Variants in COL1A2 observed in about 807,000 individuals in gnomAD.
COL1A2 encodes the protein collagen alpha-2(I) chain.
A neutral mutation model predicts 174.3 loss-of-function variants in COL1A2; 49 were observed. That is an observed-to-expected ratio of 0.28 (90% confidence interval 0.22 to 0.36). The LOEUF is 0.36. COL1A2 is among the 10% of genes least tolerant of loss of function. The probability of loss-of-function intolerance (pLI) is 1.00; values close to 1 mark genes in which losing one functional copy is unlikely to be tolerated. For synonymous variants in COL1A2, 655 were observed against 606.6 expected, an observed-to-expected ratio of 1.08 and a Z score of -1.17; for missense variants, 1,438 against 1,822.7, an observed-to-expected ratio of 0.79 and a Z score of 3.84.
intron 4 of COL1A2, 97 bp downstream of exon 4, chr7:94,399,181 T>C (rs1173110159): frequency 1.9e-5 from 22 of 1,131,896 alleles, no homozygotes; most frequent in Non-Finnish European, 2.8e-5. Flanking sequence ...ATATTATGTA[T>C]CCAGATAATT....
intron 12 of COL1A2, among the ~76,000 whole-genome samples, chr7:94,406,560 C>T (rs1791801796): frequency 6.6e-6 from 1 of 152,070 alleles, no homozygotes; most frequent in Admixed American, 6.6e-5. Flanking sequence ...TGTTCCATTT[C>T]CTTTCCTCCC....
At position 94,417,803 on chromosome 7, in the gene COL1A2, C is replaced by CT. The variant is rs1562904167; in HGVS notation, c.1944dup (p.Gly649TrpfsTer11). ...GGACTCCCAGGAGAGAGGGGTGCTGCTGGCATACCTGGAGGCAAGGGAGAA... is the reference window on the plus strand; with the variant it reads ...GGACTCCCAGGAGAGAGGGGTGCTGCTTGGCATACCTGGAGGCAAGGGAGAA... On this transcript the variant is annotated frameshift_variant, in exon 32 of 52. Transcript: ENST00000297268. LOFTEE classifies it high-confidence loss of function. The CT allele has an allele frequency of 6.2e-7, 1 of 1,602,644 alleles. No individual in the cohort carries two copies. Among genetic ancestry groups the CT allele is most frequent in the Non-Finnish European group, 8.5e-7 (1 of 1,174,490 alleles).
At chr7:94,405,008 C>A in intron 9 of COL1A2, 116 bp downstream of exon 9, 2 of 1,236,362 alleles carry the variant, frequency 1.6e-6, no homozygotes, top group East Asian at 2.4e-5. Flanking sequence ...TGACAGAACT[C>A]TTAATGTATG....
intron 30 of COL1A2, among the ~76,000 whole-genome samples, chr7:94,416,027 G>A (rs770300957): frequency 2.0e-5 from 3 of 152,138 alleles, no homozygotes; most frequent in Non-Finnish European, 4.4e-5. Flanking sequence ...ATCTACACCT[G>A]CCATTGCTAT....
rs943353660 is a variant in COL1A2, at chr7:94,430,269, A to G, written c.3977A>G (p.Lys1326Arg). ...GCSKKTNEWG[K>R]TIIEYKTNKP... is the part of the protein sequence containing the mutation. ...CAGAAAAAGACAAATGAATGGGGAA[A>G]GACAATCATTGAATACAAAACAAAT... Residue 1326 changes from lysine (K) to arginine (R), a missense_variant, in exon 52 of 52, where the codon AAG becomes AGG. Physicochemically the swap from Lys to Arg is conservative, Grantham distance 26. Transcript: ENST00000297268. The G allele has an allele frequency of 3.7e-6, 6 of 1,613,994 alleles. No homozygotes were observed. The South Asian group carries it at 6.6e-5, about 18-fold the overall frequency.
Position 94,425,200 on chromosome 7 carries a change from T to C in COL1A2, c.2757T>C (p.Gly919=). 6.2e-7 allele frequency: 1 copy of C among 1,614,088 alleles called. No homozygotes were observed. Among genetic ancestry groups the C allele is most frequent in the Non-Finnish European group, 8.5e-7 (1 of 1,179,984 alleles). ...CTGTGGGTAGTCCTGGAGTCAACGGTGCTCCTGGTGAAGCTGGTCGTGATG... is the reference window on the plus strand; with the variant it reads ...CTGTGGGTAGTCCTGGAGTCAACGGCGCTCCTGGTGAAGCTGGTCGTGATG... ...PGAVGSPGVN[G]APGEAGRDGN... The change falls in exon 42 of 52, where the codon GGT becomes GGC. Residue 919 remains glycine, a synonymous_variant. Coordinates refer to ENST00000297268, the MANE Select transcript of COL1A2 (RefSeq NM_000089.4).
chr7:94,397,292 A>C (rs41317864), intron 1 of COL1A2, among the ~76,000 whole-genome samples: 1 of 152,166 alleles, frequency 6.6e-6, no homozygotes, highest in African/African-American at 2.4e-5. Context: ...AACAAATTCA[A>C]TATAGAATTT....
chr7:94,410,966 C>T, intron 22 of COL1A2, 24 bp downstream of exon 22: 1 of 1,613,152 alleles, frequency 6.2e-7, no homozygotes, highest in Non-Finnish European at 8.5e-7. Flanking sequence ...CACTTACTTC[C>T]TAGAAAGGGG....
At chr7:94,414,044 A>T in intron 28 of COL1A2, 97 bp downstream of exon 28, 1 of 1,370,310 alleles carries the variant, frequency 7.3e-7, no homozygotes, top group Non-Finnish European at 1.0e-6. Flanking sequence ...AATAAACATG[A>T]TTTCAGGACT....
Position 94,427,255 on chromosome 7 carries a change from C to T in COL1A2, c.3227C>T (p.Pro1076Leu). The T allele has an allele frequency of 6.2e-7, 1 of 1,613,852 alleles. No homozygotes were observed. Among genetic ancestry groups the T allele is most frequent in the Non-Finnish European group, 8.5e-7 (1 of 1,179,926 alleles). Residue 1076 changes from proline to leucine, a missense_variant, in exon 48 of 52, where the codon CCT becomes CTT. By Grantham distance (98) the Pro-to-Leu change is moderately conservative. Coordinates refer to ENST00000297268, the MANE Select transcript of COL1A2 (RefSeq NM_000089.4). ...GRTGHPGTVG[P>L]AGIRGPQGHQ... ...ACTGGACATCCTGGTACAGTTGGAC[C>T]TGCTGGCATTCGAGGCCCTCAGGGT...
At chr7:94,408,524 T>A in intron 15 of COL1A2, 144 bp downstream of exon 15, 2 of 1,121,980 alleles carry the variant, frequency 1.8e-6, no homozygotes, top group Non-Finnish European at 2.7e-6. Context: ...CATTTATAAG[T>A]AGTGTAAGCC....
In COL1A2 at chr7:94,429,430, T is replaced by C. The variant is rs781599112; in HGVS notation, c.3954T>C (p.Ser1318=). Residue 1318 remains serine (S), a splice_region_variant and synonymous_variant, in exon 51 of 52, where the codon TCT becomes TCC. Coordinates refer to ENST00000297268, the MANE Select transcript of COL1A2 (RefSeq NM_000089.4). ...FTYTVLVDGC[S]KKTNEWGKTI... ...ACACTGTTCTTGTAGATGGCTGCTC[T>C]GTAAGTAATAGTGAAATATGGGAAT... The C allele has an allele frequency of 3.1e-6, 5 of 1,613,964 alleles. No individual in the cohort carries two copies. Among genetic ancestry groups the C allele is most frequent in the Non-Finnish European group, 4.2e-6 (5 of 1,179,964 alleles).
At chr7:94,401,024 C>A (rs996636874) in intron 5 of COL1A2, among the ~76,000 whole-genome samples, 6 of 152,168 alleles carry the variant, frequency 3.9e-5, no homozygotes, top group African/African-American at 1.4e-4. Context: ...AAAGTTATTA[C>A]TGTGAACTAG....
At chr7:94,425,923 A>G in intron 44 of COL1A2, 66 bp downstream of exon 44, 1 of 1,591,644 alleles carries the variant, frequency 6.3e-7, no homozygotes, top group South Asian at 1.1e-5. Flanking sequence ...ACTTCCCCAC[A>G]CTTGGGGATG....
chr7:94,413,254 G>T, intron 26 of COL1A2, 118 bp downstream of exon 26: 1 of 1,064,278 alleles, frequency 9.4e-7, no homozygotes, highest in South Asian at 1.3e-5. Flanking sequence ...CATCCCCAGG[G>T]GTCCTTTTAC....
chr7:94,421,787 T>G (rs762770053), intron 38 of COL1A2, 112 bp from the exon 39 acceptor site: 149 of 530,862 alleles, frequency 2.8e-4, no homozygotes, highest in Non-Finnish European at 4.5e-4. Flanking sequence ...CTCCTACTCC[T>G]TGGTCTATTC....
intron 11 of COL1A2, 74 bp downstream of exon 11, chr7:94,405,800 C>T: frequency 8.5e-7 from 1 of 1,177,536 alleles, no homozygotes; most frequent in Non-Finnish European, 1.3e-6. Context: ...TGTTTAAAAT[C>T]TTGGGTGACA....
In COL1A2 at chr7:94,414,339, C is replaced by T; in HGVS notation, c.1719+64C>T. 3.7e-6 allele frequency: 5 copies of T among 1,335,916 alleles called. No homozygotes were observed. In the South Asian group the frequency reaches 5.9e-5, roughly 16 times the overall value. 82.8% of individuals were successfully genotyped at this position (1,335,916 alleles called of 1,614,324 possible). A position where few individuals can be genotyped will look rare whatever the true frequency, so the allele number is the denominator to read the frequency against. On this transcript the variant is annotated intron_variant, in intron 29 of 51. Coordinates refer to ENST00000297268, the MANE Select transcript of COL1A2 (RefSeq NM_000089.4). ...CTTGAGAATTTCCCCCTGTTTAATACCCCACTGCTATGCAATTATAATATG... is the reference window on the plus strand; with the variant it reads ...CTTGAGAATTTCCCCCTGTTTAATATCCCACTGCTATGCAATTATAATATG...
At position 94,397,731 on chromosome 7, in the gene COL1A2, C is replaced by CTTTTTTTT; in HGVS notation, c.71-14_71-7dup. Reference sequence around the variant, plus strand: ...TACTAATAATTGTTTCCTACTTTTTCTTTTTTTTTTCTACAGCTTTACAAG... The same window carrying CTTTTTTTT: ...TACTAATAATTGTTTCCTACTTTTTCTTTTTTTTTTTTTTTTTTCTACAGCTTTACAAG... On this transcript the variant is annotated splice_polypyrimidine_tract_variant and intron_variant, in intron 1 of 51. Coordinates refer to ENST00000297268, the MANE Select transcript of COL1A2 (RefSeq NM_000089.4). 8.8e-7 allele frequency: 1 copy of CTTTTTTTT among 1,133,764 alleles called. No individual in the cohort carries two copies. Among genetic ancestry groups the CTTTTTTTT allele is most frequent in the Non-Finnish European group, 1.3e-6 (1 of 782,370 alleles). The allele number at this position is 1,133,764 out of a possible 1,614,324, so 70.2% of individuals were successfully genotyped here. A position where few individuals can be genotyped will look rare whatever the true frequency, so the allele number is the denominator to read the frequency against.
Sources: gnomAD v4.1 joint callset for allele counts (sites outside exome capture counted in the v4.1 genomes callset) on GRCh38, gnomAD v4.1.1 for gene constraint, MANE v1.5 for transcripts, NCBI Gene and HGNC (gene_info 2026-07-23, HGNC 2026-07-21) for gene names.